APOOL: variants seen among roughly 807,000 people sequenced by gnomAD.
APOOL encodes the protein apolipoprotein O like.
APOOL carries 12 observed loss-of-function variants against 23.1 expected under a neutral mutation model. That is an observed-to-expected ratio of 0.52 (90% CI 0.33 to 0.84). The LOEUF is 0.84. Ranked by LOEUF, APOOL falls within the 40% of genes least tolerant of loss-of-function variation. The pLI, the probability that APOOL is intolerant of heterozygous loss-of-function variation, is 0.02. For missense variants in APOOL, 212 were observed against 199.6 expected (o/e 1.06, Z -0.37); for synonymous variants, 77 against 69.9 (o/e 1.10, Z -0.51).
chrX:85,015,209 A>G (rs1307078042), intron 1 of APOOL, among the ~76,000 whole-genome samples: 1 of 111,275 alleles, frequency 9.0e-6, no homozygotes, highest in Non-Finnish European at 1.9e-5. Context: ...TTTCTATGGA[A>G]AAGGTTTCAT....
Position 85,088,320 on chromosome X carries a change from T to TTTTTTTG in APOOL, c.*648_*649insGTTTTTT, listed in dbSNP as rs1924434948. The stretch of plus-strand genomic sequence containing the variant: ...TGGAAAGGTGTGTTTCCCTCTGTTT[T>TTTTTTTG]TTTTTTTTTTTTTTTTTTTTTTTTT... On this transcript the variant is annotated 3_prime_UTR_variant, in exon 9 of 9. Transcript: ENST00000373173. 1.5e-5 allele frequency: 1 copy of TTTTTTTG among 68,551 alleles called. No individual in the cohort carries two copies. The highest frequency in any genetic ancestry group is 1.6e-4 in the Admixed American group (1 of 6,121). The allele number at this position is 68,551 out of a possible 1,213,427, so 5.6% of individuals were successfully genotyped here.
At chrX:85,083,863 T>A (rs576715275) in intron 8 of APOOL, among the ~76,000 whole-genome samples, 32 of 111,993 alleles carry the variant, frequency 2.9e-4, no homozygotes, top group Non-Finnish European at 5.1e-4. Flanking sequence ...TGCTGTCTTA[T>A]AACTTTAAAC....
intron 1 of APOOL, among the ~76,000 whole-genome samples, chrX:85,032,790 G>T (rs1235311797): frequency 1.8e-5 from 2 of 111,430 alleles, no homozygotes; most frequent in East Asian, 2.8e-4. Context: ...CAACCACACT[G>T]ATCTAGACAC....
chrX:85,057,638 G>GATATATATCTCATCTGAATGGATGAT (rs1241601833), intron 5 of APOOL, among the ~76,000 whole-genome samples: 57 of 105,342 alleles, frequency 5.4e-4, no homozygotes, highest in Admixed American at 9.5e-4. Context: ...CTGAATGGAT[G>GATATATATCTCATCTGAATGGATGAT]ATATATATCT....
At position 85,063,003 on chromosome X, in the gene APOOL, A is replaced by C. The variant is rs769439875; in HGVS notation, c.395-4124A>C. Among the ~76,000 whole-genome samples, 217 of 111,870 alleles carry C rather than the reference A, an allele frequency of 1.9e-3. 3 individuals are homozygous for C. Among genetic ancestry groups the C allele is most frequent in the Non-Finnish European group, 3.1e-3 (166 of 53,110 alleles). On this transcript the variant is annotated intron_variant, in intron 5 of 8. Transcript: ENST00000373173. Reference sequence around the variant, plus strand: ...TTTCTTCCTATCCATGAGCATGGAAAGTTTTTCCATTTGTTTGTGTCTTCT... The same window carrying C: ...TTTCTTCCTATCCATGAGCATGGAACGTTTTTCCATTTGTTTGTGTCTTCT...
At chrX:85,050,660 T>G (rs2042879349) in intron 2 of APOOL, among the ~76,000 whole-genome samples, 1 of 109,481 alleles carries the variant, frequency 9.1e-6, no homozygotes, top group African/African-American at 3.3e-5. Flanking sequence ...CCTGGTTAAG[T>G]TTTTCATTGT....
At chrX:85,076,088 A>G (rs1394826438) in intron 8 of APOOL, among the ~76,000 whole-genome samples, 1 of 110,503 alleles carries the variant, frequency 9.0e-6, no homozygotes, top group Non-Finnish European at 1.9e-5. Flanking sequence ...CTCAAGATTC[A>G]TAAGGGCACT....
rs778983009 is a variant in APOOL, at chrX:85,008,535, T to TTTGTGTGTG, written c.15+4609_15+4610insTGTGTGTGT. Among the ~76,000 whole-genome samples, 204 of 86,140 alleles carry TTTGTGTGTG rather than the reference T, an allele frequency of 2.4e-3. 2 individuals carry two copies. The highest frequency in any genetic ancestry group is 8.4e-3 in the African/African-American group (194 of 23,134). The allele number at this position is 86,140 out of a possible 115,157, so 74.8% of individuals were successfully genotyped here. A position where few individuals can be genotyped will look rare whatever the true frequency, so the allele number is the denominator to read the frequency against. On this transcript the variant is annotated intron_variant, in intron 1 of 8. Transcript: ENST00000373173. ...TTTTTTATGGTTGAATGATAACCCG[T>TTTGTGTGTG]TGTGTGTGTGTGTGTGTGTGTGTGT...
In APOOL at chrX:85,085,238, CAAAG is replaced by C. The variant is rs755466254; in HGVS notation, c.719-2348_719-2345del. On this transcript the variant is annotated intron_variant, in intron 8 of 8. Transcript: ENST00000373173. Reference sequence around the variant, plus strand: ...AGATATCTGTGATTTCTGTTGGTGACAAAGAAATCTAAGGTACTGCTGATACTAC... The same window carrying C: ...AGATATCTGTGATTTCTGTTGGTGACAAATCTAAGGTACTGCTGATACTAC... 5.7e-3 allele frequency among the ~76,000 whole-genome samples: 641 copies of C among 111,515 alleles called. 4 individuals carry two copies. The highest frequency in any genetic ancestry group is 0.02 in the African/African-American group (604 of 30,701).
rs777582036 is a variant in APOOL at position 85,046,413 on chromosome X, A to G, written c.16-33A>G. ...GAAATGGAAGATGGAAAGCTTTTCA[A>G]CTAAAAAGATGTTTTTGATATATCT... On this transcript the variant is annotated intron_variant, in intron 1 of 8. Coordinates refer to ENST00000373173, the MANE Select transcript of APOOL (RefSeq NM_198450.6). 21 of 1,102,999 alleles carry G rather than the reference A, an allele frequency of 1.9e-5. No individual in the cohort carries two copies. The Admixed American group carries it at 5.4e-4, about 28-fold the overall frequency. The allele number at this position is 1,102,999 out of a possible 1,213,427, so 90.9% of individuals were successfully genotyped here. A position where few individuals can be genotyped will look rare whatever the true frequency, so the allele number is the denominator to read the frequency against.
intron 2 of APOOL, among the ~76,000 whole-genome samples, chrX:85,049,401 C>T (rs772985629): frequency 3.1e-4 from 35 of 111,303 alleles, no homozygotes; most frequent in Non-Finnish European, 6.0e-4. Flanking sequence ...CCATTCTGAC[C>T]CCTTTGAGAG....
intron 8 of APOOL, among the ~76,000 whole-genome samples, chrX:85,085,568 T>C (rs1433391966): frequency 8.9e-6 from 1 of 112,358 alleles, no homozygotes; most frequent in Admixed American, 9.5e-5. Context: ...AATCATTGTA[T>C]TCCAATTTCT....
At chrX:85,008,122 C>T (rs189057083) in intron 1 of APOOL, among the ~76,000 whole-genome samples, 1 of 110,736 alleles carries the variant, frequency 9.0e-6, no homozygotes, top group East Asian at 2.8e-4. Flanking sequence ...CTTTTTTTCC[C>T]CAGCTTTATT....
intron 1 of APOOL, among the ~76,000 whole-genome samples, chrX:85,025,899 A>T (rs750311167): frequency 1.1e-4 from 12 of 112,446 alleles, no homozygotes; most frequent in Non-Finnish European, 2.3e-4. Context: ...GGAGGTTGGT[A>T]TCCCCTTTCT....
intron 1 of APOOL, among the ~76,000 whole-genome samples, chrX:85,037,619 G>GTACCATTGGTCTAT (rs1298353270): frequency 1.8e-5 from 2 of 111,235 alleles, no homozygotes; most frequent in Non-Finnish European, 3.8e-5. Context: ...GCATGGTACT[G>GTACCATTGGTCTAT]GTGTAAAACT....
chrX:85,019,626 G>T (rs1021902880), intron 1 of APOOL, among the ~76,000 whole-genome samples: 1 of 112,116 alleles, frequency 8.9e-6, no homozygotes, highest in African/African-American at 3.2e-5. Context: ...GGTGTGCACG[G>T]AACTGCTGTG....
In APOOL at chrX:85,074,617, T is replaced by C. The variant is rs141750868; in HGVS notation, c.718+226T>C. ...GATCTTTTAATGTGAGTATATAGAG[T>C]AACACTGACAGGTTGATTAGGTGAA... is the stretch of plus-strand genomic sequence containing the variant. On this transcript the variant is annotated intron_variant, in intron 8 of 8. Transcript: ENST00000373173. Among the ~76,000 whole-genome samples the C allele has an allele frequency of 4.5e-3, 493 of 110,233 alleles. 3 individuals are homozygous for C. Among genetic ancestry groups the C allele is most frequent in the African/African-American group, 0.016 (472 of 30,442 alleles).
At position 85,079,219 on chromosome X, in the gene APOOL, C is replaced by T. The variant is rs1259862898; in HGVS notation, c.718+4828C>T. On this transcript the variant is annotated intron_variant, in intron 8 of 8. Coordinates refer to ENST00000373173, the MANE Select transcript of APOOL (RefSeq NM_198450.6). Reference sequence around the variant, plus strand: ...TTTTGCCCATTCAGTATGACACTGGCTGTGGGTTTGTCATAAATAGCTTTT... The same window carrying T: ...TTTTGCCCATTCAGTATGACACTGGTTGTGGGTTTGTCATAAATAGCTTTT... 2.7e-5 allele frequency among the ~76,000 whole-genome samples: 3 copies of T among 111,685 alleles called. No individual in the cohort carries two copies. The East Asian group carries it at 8.5e-4, about 32-fold the overall frequency.
intron 8 of APOOL, among the ~76,000 whole-genome samples, chrX:85,079,415 C>T (rs966359250): frequency 2.7e-5 from 3 of 111,509 alleles, no homozygotes; most frequent in African/African-American, 9.8e-5. Flanking sequence ...TATGTTGAAC[C>T]AGCCTTGCAT....
Sources: gnomAD v4.1 joint callset for allele counts (sites outside exome capture counted in the v4.1 genomes callset) on GRCh38, gnomAD v4.1.1 for gene constraint, MANE v1.5 for transcripts, NCBI Gene and HGNC (gene_info 2026-07-23, HGNC 2026-07-21) for gene names.